Variants in GPC5 observed in about 807,000 individuals in gnomAD.
GPC5 encodes the protein glypican 5.
GPC5 carries 47 observed loss-of-function variants against 53.9 expected under a neutral mutation model. The ratio of observed to expected loss-of-function variants is 0.87; its 90% CI spans 0.69 to 1.11. The LOEUF (loss-of-function observed/expected upper bound fraction) is 1.11, where lower values mean the gene tolerates loss of function less well. Ranked by LOEUF, GPC5 falls within the 50% of genes most tolerant of loss-of-function variation. The pLI, the probability that GPC5 is intolerant of heterozygous loss-of-function variation, is 0.00. For missense variants in GPC5, 748 were observed against 713.1 expected (o/e 1.05, Z -0.56); for synonymous variants, 286 against 263.3 (o/e 1.09, Z -0.84).
At chr13:92,367,710 A>G (rs2043617153) in intron 7 of GPC5, among the ~76,000 whole-genome samples, 1 of 152,222 alleles carries the variant, frequency 6.6e-6, no homozygotes, top group African/African-American at 2.4e-5. Flanking sequence ...TTTAACGTGA[A>G]GAAGTAAAAG....
rs200059350 is a variant in GPC5, at chr13:91,693,493, T to C, written c.632T>C (p.Val211Ala). The change falls in exon 3 of 8, where the codon GTA becomes GCA. Residue 211 changes from valine (V) to alanine (A), a missense_variant. Val to Ala is a moderately conservative substitution (Grantham distance 64). Transcript: ENST00000377067. ...VSPFGNIPQR[V>A]MGQMGRSLLP... ...CCATTTGGTAATATTCCCCAAAGAG[T>C]AATGGGACAGATGGGGAGGTCCCTG... is the stretch of plus-strand genomic sequence containing the variant. The C allele has an allele frequency of 6.2e-7, 1 of 1,613,702 alleles. No homozygotes were observed. The highest frequency in any genetic ancestry group is 8.5e-7 in the Non-Finnish European group (1 of 1,179,964).
At chr13:92,629,976 G>A (rs1333672) in intron 7 of GPC5, among the ~76,000 whole-genome samples, 66,605 of 151,994 alleles carry the variant, frequency 0.44, 15,334 homozygotes, top group East Asian at 0.69. Flanking sequence ...AACAGGAGCA[G>A]GAGATGTTGA....
intron 7 of GPC5, among the ~76,000 whole-genome samples, chr13:92,334,622 T>A (rs1464805745): frequency 6.6e-6 from 1 of 152,126 alleles, no homozygotes; most frequent in East Asian, 1.9e-4. Context: ...ACAAGGCAAG[T>A]CCCTTCCTCC....
chr13:91,473,290 G>A (rs1266696822), intron 2 of GPC5, among the ~76,000 whole-genome samples: 2 of 151,970 alleles, frequency 1.3e-5, no homozygotes, highest in Non-Finnish European at 2.9e-5. Context: ...TTTGGGTGGG[G>A]ACACAGCCAA....
chr13:91,490,234 G>A (rs765117750), intron 2 of GPC5, among the ~76,000 whole-genome samples: 8 of 152,088 alleles, frequency 5.3e-5, no homozygotes, highest in Non-Finnish European at 8.8e-5. Flanking sequence ...GAATTAAATC[G>A]GTGAATTTGA....
chr13:91,498,211 T>C (rs1884394928), intron 2 of GPC5, among the ~76,000 whole-genome samples: 2 of 151,328 alleles, frequency 1.3e-5, no homozygotes, highest in South Asian at 2.1e-4. Context: ...TGCTTAAATA[T>C]TGTCTTTTCA....
intron 5 of GPC5, among the ~76,000 whole-genome samples, chr13:91,868,322 A>G (rs557842196): frequency 6.6e-6 from 1 of 152,314 alleles, no homozygotes; most frequent in East Asian, 1.9e-4. Flanking sequence ...GGACAACATA[A>G]AGATTATTGG....
chr13:92,031,708 A>G (rs1594734172), intron 6 of GPC5, among the ~76,000 whole-genome samples: 1 of 71,506 alleles, frequency 1.4e-5, no homozygotes, highest in African/African-American at 6.0e-5. Flanking sequence ...TATATTATAT[A>G]TATTACATAT....
chr13:92,458,710 T>C (rs1046757925), intron 7 of GPC5, among the ~76,000 whole-genome samples: 2 of 152,044 alleles, frequency 1.3e-5, no homozygotes, highest in Non-Finnish European at 2.9e-5. Flanking sequence ...AGATAAGAAA[T>C]TTCTGTTTTG....
At chr13:92,601,819 A>G (rs1206642913) in intron 7 of GPC5, among the ~76,000 whole-genome samples, 2 of 151,972 alleles carry the variant, frequency 1.3e-5, no homozygotes, top group East Asian at 1.9e-4. Flanking sequence ...AAATACAGAA[A>G]TCTGTAGATC....
rs2043731363 is a variant in GPC5 at position 92,380,673 on chromosome 13, C to T, written c.1561+235684C>T. 3.4e-5 allele frequency among the ~76,000 whole-genome samples: 5 copies of T among 147,890 alleles called. No homozygotes were observed. The South Asian group carries it at 1.1e-3, about 31-fold the overall frequency. On this transcript the variant is annotated intron_variant, in intron 7 of 7. Coordinates refer to ENST00000377067, the MANE Select transcript of GPC5 (RefSeq NM_004466.6). ...ATTGGAAATCATCATTCTCAGCAAA[C>T]TATCGCAAGAACAAAAAACCAAACA...
chr13:92,685,575 A>AATTTTTTT (rs1887247180), intron 7 of GPC5, among the ~76,000 whole-genome samples: 1 of 47,548 alleles, frequency 2.1e-5, no homozygotes, highest in Non-Finnish European at 5.1e-5. Flanking sequence ...TTTTTTTTTT[A>AATTTTTTT]TTATACTCTA....
chr13:91,807,385 C>G (rs1471768242), intron 5 of GPC5, among the ~76,000 whole-genome samples: 1 of 152,146 alleles, frequency 6.6e-6, no homozygotes, highest in Non-Finnish European at 1.5e-5. Flanking sequence ...TGGGCACACA[C>G]TCATTCATGC....
Position 92,333,452 on chromosome 13 carries a change from A to T in GPC5, c.1561+188463A>T, listed in dbSNP as rs575496330. Reference sequence around the variant, plus strand: ...TGGAGGAAGGGAAATACAGAATCTCAGCCCACTCTAACCATCCACAAAGGA... The same window carrying T: ...TGGAGGAAGGGAAATACAGAATCTCTGCCCACTCTAACCATCCACAAAGGA... On this transcript the variant is annotated intron_variant, in intron 7 of 7. Transcript: ENST00000377067. 2.6e-5 allele frequency among the ~76,000 whole-genome samples: 4 copies of T among 152,256 alleles called. No individual in the cohort carries two copies. The East Asian group carries it at 7.8e-4, about 30-fold the overall frequency.
intron 7 of GPC5, among the ~76,000 whole-genome samples, chr13:92,646,986 A>G (rs1228418028): frequency 2.8e-5 from 4 of 145,196 alleles, no homozygotes; most frequent in Non-Finnish European, 3.0e-5. Flanking sequence ...CTGGCATTCT[A>G]TGACCTTGGA....
In GPC5 at chr13:91,739,489, G is replaced by A. The variant is rs142335319; in HGVS notation, c.1154+10824G>A. 9.3e-3 allele frequency among the ~76,000 whole-genome samples: 1,412 copies of A among 151,492 alleles called. 57 individuals are homozygous for A. The highest frequency in any genetic ancestry group is 0.065 in the Admixed American group (985 of 15,252). ...AGGAATTTGGGAGCTAATTAGTTGC[G>A]GGGTTCATGCTCAGGGTCATTAGAG... is the stretch of plus-strand genomic sequence containing the variant. On this transcript the variant is annotated intron_variant, in intron 4 of 7. Coordinates refer to ENST00000377067, the MANE Select transcript of GPC5 (RefSeq NM_004466.6).
chr13:92,832,219 G>A (rs1024342705), intron 7 of GPC5, among the ~76,000 whole-genome samples: 4 of 152,094 alleles, frequency 2.6e-5, no homozygotes, highest in Non-Finnish European at 4.4e-5. Context: ...CGTTTAAAAC[G>A]TTAACTTACT....
At chr13:91,976,731 T>C (rs1029097233) in intron 6 of GPC5, among the ~76,000 whole-genome samples, 1 of 152,104 alleles carries the variant, frequency 6.6e-6, no homozygotes, top group Non-Finnish European at 1.5e-5. Context: ...AAGACAAATG[T>C]AAGTTTCAGG....
At chr13:92,184,858 A>T (rs2042172978) in intron 7 of GPC5, among the ~76,000 whole-genome samples, 1 of 152,196 alleles carries the variant, frequency 6.6e-6, no homozygotes, top group Non-Finnish European at 1.5e-5. Context: ...GTATTCAAAG[A>T]CCACCAAAAC....
Sources: allele counts gnomAD v4.1 joint callset (sites outside exome capture counted in the v4.1 genomes callset), GRCh38; gene constraint gnomAD v4.1.1; transcripts MANE v1.5; gene names NCBI Gene and HGNC (gene_info 2026-07-23, HGNC 2026-07-21).